The following LRRC28 variants were observed in gnomAD, a reference collection of about 807,000 sequenced individuals.
The protein encoded by LRRC28 is leucine rich repeat containing 28, also known as leucine-rich repeat-containing protein 28.
A neutral mutation model predicts 45.7 loss-of-function variants in LRRC28; 39 were observed. The observed-to-expected ratio is 0.85, with a 90% CI of 0.66 to 1.12. The LOEUF (loss-of-function observed/expected upper bound fraction) is 1.12, where lower values mean the gene tolerates loss of function less well. LRRC28 is among the 50% of genes most tolerant of loss of function. LRRC28 has a pLI of 0.00. For missense variants in LRRC28, 435 were observed against 438.5 expected, an observed-to-expected ratio of 0.99 and a Z score of 0.07; for synonymous variants, 206 against 178.8, an observed-to-expected ratio of 1.15 and a Z score of -1.22.
intron 2 of LRRC28, among the ~76,000 whole-genome samples, chr15:99,267,833 G>A (rs567243482): frequency 4.6e-5 from 7 of 152,302 alleles, no homozygotes; most frequent in Admixed American, 1.3e-4. Flanking sequence ...GTGAAACGGT[G>A]ATTCCTTGTC....
chr15:99,351,797 C>A (rs936795085), intron 6 of LRRC28, among the ~76,000 whole-genome samples: 1 of 152,210 alleles, frequency 6.6e-6, no homozygotes, highest in African/African-American at 2.4e-5. Context: ...CTAGGTACAG[C>A]AACCACTGCA....
chr15:99,308,453 G>A (rs796529052), intron 5 of LRRC28, among the ~76,000 whole-genome samples: 29 of 152,292 alleles, frequency 1.9e-4, no homozygotes, highest in African/African-American at 6.5e-4. Flanking sequence ...GATCGCTTAA[G>A]CTAGGAGTTC....
chr15:99,268,374 G>A (rs2081386343), intron 2 of LRRC28, among the ~76,000 whole-genome samples: 1 of 152,126 alleles, frequency 6.6e-6, no homozygotes, highest in African/African-American at 2.4e-5. Context: ...AGGGAGTTAG[G>A]AGGGGGACAG....
intron 6 of LRRC28, among the ~76,000 whole-genome samples, chr15:99,336,374 A>G (rs1567674157): frequency 6.6e-6 from 1 of 152,208 alleles, no homozygotes; most frequent in African/African-American, 2.4e-5. Context: ...GTCTGATTCT[A>G]AACCTACATT....
In LRRC28 at chr15:99,279,892, G is replaced by A. The variant is rs543191979; in HGVS notation, c.209+3276G>A. On this transcript the variant is annotated intron_variant, in intron 3 of 9. Coordinates refer to ENST00000301981, the MANE Select transcript of LRRC28 (RefSeq NM_144598.5). ...ATTTTTAGTTTTGTAAAAAACTGCCGGTTTACCAGATTAGCTGTTCCATTT... is the reference window on the plus strand; with the variant it reads ...ATTTTTAGTTTTGTAAAAAACTGCCAGTTTACCAGATTAGCTGTTCCATTT... 3.9e-5 allele frequency among the ~76,000 whole-genome samples: 6 copies of A among 152,176 alleles called. No individual in the cohort carries two copies. In the South Asian group the frequency reaches 6.2e-4, roughly 16 times the overall value.
At position 99,390,316 on chromosome 15, in the gene LRRC28, T is replaced by G. The variant is rs1040927600; in HGVS notation, c.*4214T>G. 3 of 152,246 alleles carry G rather than the reference T, an allele frequency of 2.0e-5. No homozygotes were observed. 9.4% of individuals were successfully genotyped at this position (152,246 alleles called of 1,614,324 possible). ...GACTGTATGTGTGGTCCCCTTGTAC[T>G]TTGGAGACAGAAGGTACTGGCAGCG... On this transcript the variant is annotated 3_prime_UTR_variant, in exon 10 of 10. Coordinates refer to ENST00000301981, the MANE Select transcript of LRRC28 (RefSeq NM_144598.5).
intron 2 of LRRC28, among the ~76,000 whole-genome samples, chr15:99,271,556 C>T (rs1264983491): frequency 2.6e-5 from 4 of 152,124 alleles, no homozygotes; most frequent in East Asian, 3.9e-4. Context: ...GAATTACAGG[C>T]GTGAGCCACC....
rs561224404 is a variant in LRRC28, at chr15:99,314,099, C to T, written c.386-19824C>T. Among the ~76,000 whole-genome samples the T allele has an allele frequency of 3.9e-5, 6 of 152,216 alleles. No homozygotes were observed. The South Asian group carries it at 1.2e-3, about 32-fold the overall frequency. On this transcript the variant is annotated intron_variant, in intron 5 of 9. Coordinates refer to ENST00000301981, the MANE Select transcript of LRRC28 (RefSeq NM_144598.5). ...AAACTTCGCTGAGTTTGTCACATGC[C>T]TTAGGCTGCTATTCTTCCAAAATAT...
intron 9 of LRRC28, among the ~76,000 whole-genome samples, chr15:99,366,056 A>G (rs1479482484): frequency 6.6e-6 from 1 of 152,224 alleles, no homozygotes. Context: ...CCCAGTAGGA[A>G]ACCAGGCTAC....
intron 2 of LRRC28, chr15:99,257,944 T>A (rs2081073845): frequency 1.3e-6 from 1 of 776,330 alleles, no homozygotes; most frequent in South Asian, 1.4e-5. Context: ...AGAGAACTGA[T>A]TCTGACGCTT....
intron 9 of LRRC28, among the ~76,000 whole-genome samples, chr15:99,374,102 T>G (rs184861579): frequency 8.2e-4 from 125 of 152,318 alleles, no homozygotes; most frequent in African/African-American, 2.8e-3. Flanking sequence ...TTTCCACTGA[T>G]TTTTAGAATA....
chr15:99,365,338 A>G (rs1379688283), intron 9 of LRRC28, among the ~76,000 whole-genome samples: 1 of 152,250 alleles, frequency 6.6e-6, no homozygotes, highest in African/African-American at 2.4e-5. Flanking sequence ...TTTCTTGCAT[A>G]AAGCCAGAGT....
chr15:99,347,334 C>A (rs1012754863), intron 6 of LRRC28, among the ~76,000 whole-genome samples: 1 of 152,066 alleles, frequency 6.6e-6, no homozygotes, highest in African/African-American at 2.4e-5. Flanking sequence ...CTCAGCCTCC[C>A]GAGTAGCTGG....
chr15:99,308,474 T>C (rs1346150167), intron 5 of LRRC28, among the ~76,000 whole-genome samples: 2 of 152,146 alleles, frequency 1.3e-5, no homozygotes, highest in Non-Finnish European at 2.9e-5. Context: ...AAGACCAGTC[T>C]GGGCAACATA....
chr15:99,285,337 T>A, intron 3 of LRRC28: 1 of 742,074 alleles, frequency 1.3e-6, no homozygotes, highest in Non-Finnish European at 2.5e-6. Flanking sequence ...CCACAACTCT[T>A]CTGTCCACCT....
intron 2 of LRRC28, among the ~76,000 whole-genome samples, chr15:99,276,193 GAGTTGTATAATT>G (rs2081612590): frequency 6.6e-6 from 1 of 151,882 alleles, no homozygotes; most frequent in Non-Finnish European, 1.5e-5. Context: ...TCATTATGGT[GAGTTGTATAATT>G]ATTTCATTAT....
At chr15:99,380,055 A>G (rs1465002546) in intron 9 of LRRC28, among the ~76,000 whole-genome samples, 1 of 152,150 alleles carries the variant, frequency 6.6e-6, no homozygotes, top group African/African-American at 2.4e-5. Context: ...TATTAGATCC[A>G]CTTGGTGCAG....
At chr15:99,283,982 A>G (rs958632236) in intron 3 of LRRC28, among the ~76,000 whole-genome samples, 1 of 152,258 alleles carries the variant, frequency 6.6e-6, no homozygotes, top group Non-Finnish European at 1.5e-5. Context: ...AACTCTTACC[A>G]GGAGCCAAGC....
In LRRC28 at chr15:99,387,116, A is replaced by C. The variant is rs28513885; in HGVS notation, c.*1014A>C. ...CGCTCTGTCGCCCAGGCTGGAGTGC[A>C]GTGGCGGGATCTCGGCTCACTGCAA... On this transcript the variant is annotated 3_prime_UTR_variant, in exon 10 of 10. Coordinates refer to ENST00000301981, the MANE Select transcript of LRRC28 (RefSeq NM_144598.5). 1 of 150,804 alleles carries C rather than the reference A, an allele frequency of 6.6e-6. No homozygotes were observed. Among genetic ancestry groups the C allele is most frequent in the African/African-American group, 2.5e-5 (1 of 40,762 alleles). The allele number at this position is 150,804 out of a possible 1,614,324, so 9.3% of individuals were successfully genotyped here. A position where few individuals can be genotyped will look rare whatever the true frequency, so the allele number is the denominator to read the frequency against.
Sources: gnomAD v4.1 joint callset for allele counts (sites outside exome capture counted in the v4.1 genomes callset) on GRCh38, gnomAD v4.1.1 for gene constraint, MANE v1.5 for transcripts, NCBI Gene and HGNC (gene_info 2026-07-23, HGNC 2026-07-21) for gene names.